NLN: variants seen among roughly 807,000 people sequenced by gnomAD.
The protein encoded by NLN is neurolysin.
In NLN, 64 loss-of-function variants were observed where a neutral mutation model predicts 79.9. The observed-to-expected ratio is 0.80, with a 90% confidence interval of 0.65 to 0.99. The LOEUF (loss-of-function observed/expected upper bound fraction) is 0.99, where lower values mean the gene tolerates loss of function less well. Ranked by LOEUF, NLN falls within the 50% of genes least tolerant of loss-of-function variation. NLN has a pLI of 0.00. For missense variants in NLN, 835 were observed against 858.7 expected (o/e 0.97, Z 0.34); for synonymous variants, 267 against 296.6 (o/e 0.90, Z 1.02).
At chr5:65,746,800 C>T (rs1419185005) in intron 1 of NLN, among the ~76,000 whole-genome samples, 3 of 151,988 alleles carry the variant, frequency 2.0e-5, no homozygotes, top group South Asian at 2.1e-4. Flanking sequence ...GTCAGGAGAT[C>T]GAGACCATCC....
intron 8 of NLN, among the ~76,000 whole-genome samples, chr5:65,789,203 T>C (rs768740859): frequency 1.3e-5 from 2 of 152,250 alleles, no homozygotes; most frequent in Non-Finnish European, 2.9e-5. Context: ...TATACAGATT[T>C]AAAATGTGGG....
chr5:65,759,307 A>G (rs1231317130), intron 2 of NLN, among the ~76,000 whole-genome samples: 1 of 152,166 alleles, frequency 6.6e-6, no homozygotes, highest in African/African-American at 2.4e-5. Context: ...ACATGGGGAA[A>G]AGGACACAGA....
chr5:65,760,359 C>G (rs1185032621), intron 2 of NLN, among the ~76,000 whole-genome samples: 1 of 152,174 alleles, frequency 6.6e-6, no homozygotes, highest in African/African-American at 2.4e-5. Flanking sequence ...ATCTGGTTGT[C>G]TTCATTAGTC....
At position 65,781,258 on chromosome 5, in the gene NLN, C is replaced by T; in HGVS notation, c.662-3C>T. On this transcript the variant is annotated splice_polypyrimidine_tract_variant and splice_region_variant and intron_variant, in intron 5 of 12. Coordinates refer to ENST00000380985, the MANE Select transcript of NLN (RefSeq NM_020726.5). ...TGATATATGAGAAAATGATTTTTTG[C>T]AGGTGCTCTTCCTGATGATTTCATT... The T allele has an allele frequency of 1.9e-6, 3 of 1,595,840 alleles. No individual in the cohort carries two copies. The highest frequency in any genetic ancestry group is 2.6e-6 in the Non-Finnish European group (3 of 1,170,594).
chr5:65,775,701 A>C (rs1038202208), intron 3 of NLN, among the ~76,000 whole-genome samples: 5 of 152,152 alleles, frequency 3.3e-5, no homozygotes, highest in African/African-American at 1.2e-4. Context: ...GCCACCCCTG[A>C]GGGAACCAGC....
At chr5:65,783,192 T>C (rs1032598662) in intron 6 of NLN, among the ~76,000 whole-genome samples, 1 of 152,090 alleles carries the variant, frequency 6.6e-6, no homozygotes. Flanking sequence ...CTGTTTGGGG[T>C]AATGGATAAG....
chr5:65,792,904 C>A (rs747438492), intron 9 of NLN: 3 of 532,654 alleles, frequency 5.6e-6, no homozygotes, highest in Non-Finnish European at 1.1e-5. Flanking sequence ...ATAAGACTAT[C>A]TGTAAGGAAA....
At chr5:65,755,680 A>C (rs182685050) in intron 1 of NLN, among the ~76,000 whole-genome samples, 77 of 149,494 alleles carry the variant, frequency 5.2e-4, no homozygotes, top group African/African-American at 1.8e-3. Context: ...CTTAACCATT[A>C]GTTAGCATAT....
intron 1 of NLN, among the ~76,000 whole-genome samples, chr5:65,730,166 G>A (rs1478522726): frequency 6.6e-6 from 1 of 152,184 alleles, no homozygotes; most frequent in African/African-American, 2.4e-5. Flanking sequence ...ACATTCCAGT[G>A]GGAGAGACAA....
At chr5:65,724,210 G>C (rs777938548) in intron 1 of NLN, among the ~76,000 whole-genome samples, 8 of 151,942 alleles carry the variant, frequency 5.3e-5, no homozygotes, top group East Asian at 3.9e-4. Context: ...TCCAGAACTT[G>C]TCATCATCCC....
rs1172528578 is a variant in NLN, at chr5:65,810,863, A to G, written c.1843+698A>G. ...TGTGGTGGTGTATACCTACAGTCCT[A>G]GCTACCCAGGGGGCTGAGTTGAGAG... On this transcript the variant is annotated intron_variant, in intron 11 of 12. Transcript: ENST00000380985. Among the ~76,000 whole-genome samples, 2 of 152,142 alleles carry G rather than the reference A, an allele frequency of 1.3e-5. 1 individual carries two copies. Among genetic ancestry groups the G allele is most frequent in the African/African-American group, 4.8e-5 (2 of 41,434 alleles).
chr5:65,796,768 AC>A (rs1760181600), intron 9 of NLN, among the ~76,000 whole-genome samples: 1 of 152,236 alleles, frequency 6.6e-6, no homozygotes, highest in African/African-American at 2.4e-5. Flanking sequence ...GATAGTGAAA[AC>A]AGAGATTGAC....
chr5:65,766,984 C>T (rs1561193122), intron 3 of NLN, among the ~76,000 whole-genome samples: 1 of 152,244 alleles, frequency 6.6e-6, no homozygotes, highest in African/African-American at 2.4e-5. Flanking sequence ...GGCTCTGCCT[C>T]TGTGGTTCTC....
At chr5:65,804,166 A>G (rs1241511697) in intron 9 of NLN, among the ~76,000 whole-genome samples, 2 of 152,238 alleles carry the variant, frequency 1.3e-5, no homozygotes, top group Admixed American at 6.5e-5. Context: ...ATTTTACTCT[A>G]AGATACGGAG....
chr5:65,768,781 A>G (rs1759507157), intron 3 of NLN, among the ~76,000 whole-genome samples: 1 of 152,212 alleles, frequency 6.6e-6, no homozygotes, highest in African/African-American at 2.4e-5. Context: ...GGGTACAGGA[A>G]GGCGAGGGGA....
At chr5:65,726,865 CCT>C (rs1181736242) in intron 1 of NLN, among the ~76,000 whole-genome samples, 2 of 152,128 alleles carry the variant, frequency 1.3e-5, no homozygotes, top group Non-Finnish European at 2.9e-5. Flanking sequence ...TGGAGGACCC[CCT>C]GTGTTCTCCT....
rs1320160628 is a variant in NLN at position 65,722,425 on chromosome 5, C to G, written c.41+11C>G. The G allele has an allele frequency of 6.3e-7, 1 of 1,583,544 alleles. No individual in the cohort carries two copies. The highest frequency in any genetic ancestry group is 8.6e-7 in the Non-Finnish European group (1 of 1,166,344). ...GCGAAGCCTCCGCAGGTACCTCCAG[C>G]GCGCGGGTTAACCTTGGCCGTGGGC... On this transcript the variant is annotated intron_variant, in intron 1 of 12. Transcript: ENST00000380985.
chr5:65,793,799 A>G (rs1760115572), intron 9 of NLN: 1 of 152,224 alleles, frequency 6.6e-6, no homozygotes, highest in Non-Finnish European at 1.5e-5. Flanking sequence ...GAAAACTTGC[A>G]AAGATGATAT....
intron 1 of NLN, among the ~76,000 whole-genome samples, chr5:65,752,069 A>T (rs1281767582): frequency 6.6e-6 from 1 of 152,022 alleles, no homozygotes; most frequent in African/African-American, 2.4e-5. Flanking sequence ...GGAAAACCAC[A>T]TCTCTACAAA....
Sources: gnomAD v4.1 joint callset for allele counts (sites outside exome capture counted in the v4.1 genomes callset) on GRCh38, gnomAD v4.1.1 for gene constraint, MANE v1.5 for transcripts, NCBI Gene and HGNC (gene_info 2026-07-23, HGNC 2026-07-21) for gene names.